The following MECOM variants were observed in gnomAD, a reference collection of about 807,000 sequenced individuals.
MECOM encodes histone-lysine N-methyltransferase MECOM.
In MECOM, 13 loss-of-function variants were observed where a neutral mutation model predicts 116.3. That is an observed-to-expected ratio of 0.11 (90% CI 0.07 to 0.18). The LOEUF is 0.18. MECOM is among the 10% of genes least tolerant of loss of function. The pLI, the probability that MECOM is intolerant of heterozygous loss-of-function variation, is 1.00. For synonymous variants in MECOM, 528 were observed against 535.2 expected, an observed-to-expected ratio of 0.99 and a Z score of 0.19; for missense variants, 1,299 against 1,509.0, an observed-to-expected ratio of 0.86 and a Z score of 2.31.
At chr3:169,316,377 T>G (rs1719749779) in intron 2 of MECOM, among the ~76,000 whole-genome samples, 1 of 152,218 alleles carries the variant, frequency 6.6e-6, no homozygotes, top group African/African-American at 2.4e-5. Context: ...ACAGTTTCAT[T>G]ATAAAACTAT....
intron 1 of MECOM, among the ~76,000 whole-genome samples, chr3:169,453,168 G>A (rs1386772859): frequency 6.6e-6 from 1 of 152,176 alleles, no homozygotes; most frequent in East Asian, 1.9e-4. Flanking sequence ...TTAATAATGA[G>A]TCTCATTTAA....
intron 1 of MECOM, among the ~76,000 whole-genome samples, chr3:169,500,362 T>A (rs1401953441): frequency 6.6e-6 from 1 of 151,964 alleles, no homozygotes; most frequent in African/African-American, 2.4e-5. Flanking sequence ...TTTTTAAAAG[T>A]TTCAATCATT....
chr3:169,307,372 A>G (rs2149723316), intron 2 of MECOM, among the ~76,000 whole-genome samples: 1 of 152,304 alleles, frequency 6.6e-6, no homozygotes, highest in African/African-American at 2.4e-5. Context: ...ACTTGAACCC[A>G]GGAATTTGAG....
intron 1 of MECOM, among the ~76,000 whole-genome samples, chr3:169,653,815 A>T (rs1291865183): frequency 6.6e-6 from 1 of 152,210 alleles, no homozygotes; most frequent in African/African-American, 2.4e-5. Context: ...AGGCACAAAA[A>T]GGTTACATGG....
At chr3:169,241,810 C>T (rs559193717) in intron 2 of MECOM, among the ~76,000 whole-genome samples, 55 of 152,250 alleles carry the variant, frequency 3.6e-4, no homozygotes, top group African/African-American at 1.3e-3. Flanking sequence ...GCTACTTCAG[C>T]GAATCAAGTC....
chr3:169,532,766 T>G (rs1036993203), intron 1 of MECOM, among the ~76,000 whole-genome samples: 5 of 144,052 alleles, frequency 3.5e-5, no homozygotes, highest in African/African-American at 7.4e-5. Flanking sequence ...CTACCCCACA[T>G]GCACACACAA....
chr3:169,273,608 G>GT (rs1759217886), intron 2 of MECOM, among the ~76,000 whole-genome samples: 1 of 152,142 alleles, frequency 6.6e-6, no homozygotes, highest in South Asian at 2.1e-4. Flanking sequence ...GAATGCTACG[G>GT]TTTCTCTATA....
chr3:169,621,968 C>T (rs1044929847), intron 1 of MECOM, among the ~76,000 whole-genome samples: 19 of 152,260 alleles, frequency 1.2e-4, no homozygotes, highest in African/African-American at 4.6e-4. Flanking sequence ...AATCAAGAGA[C>T]AAGACATGAG....
At position 169,115,520 on chromosome 3, in the gene MECOM, A is replaced by C; in HGVS notation, c.2352T>G (p.Ser784Arg). The C allele has an allele frequency of 6.2e-7, 1 of 1,613,902 alleles. No individual in the cohort carries two copies. The highest frequency in any genetic ancestry group is 8.5e-7 in the Non-Finnish European group (1 of 1,179,998). The change falls in exon 8 of 17, where the codon AGT (serine) becomes AGG (arginine). Residue 784 changes from serine (S) to arginine (R), a missense_variant. Coordinates refer to ENST00000651503, the MANE Select transcript of MECOM (RefSeq NM_004991.4). ...TTCGAGGCTCAGTCAGCTTTGTCCCACTGGCTCTACTCCTACTGCCCATAC... is the reference window on the plus strand; with the variant it reads ...TTCGAGGCTCAGTCAGCTTTGTCCCCCTGGCTCTACTCCTACTGCCCATAC... Reference protein sequence around the residue: ...DLSMGSRSRASGTKLTEPRKN... With the variant: ...DLSMGSRSRARGTKLTEPRKN...
chr3:169,101,303 A>G (rs1361924777), intron 11 of MECOM, among the ~76,000 whole-genome samples: 1 of 152,196 alleles, frequency 6.6e-6, no homozygotes, highest in Non-Finnish European at 1.5e-5. Flanking sequence ...AAATATGATA[A>G]GAGTTTCTGA....
chr3:169,251,290 A>G (rs1252156074), intron 2 of MECOM, among the ~76,000 whole-genome samples: 1 of 152,170 alleles, frequency 6.6e-6, no homozygotes, highest in Non-Finnish European at 1.5e-5. Context: ...CTTGGTTGGT[A>G]CAAGTTTGAG....
At chr3:169,160,289 T>G (rs529045034) in intron 2 of MECOM, among the ~76,000 whole-genome samples, 1 of 151,796 alleles carries the variant, frequency 6.6e-6, no homozygotes, top group African/African-American at 2.4e-5. Flanking sequence ...GAGAAAGGAT[T>G]TTTTTGGAGA....
intron 2 of MECOM, among the ~76,000 whole-genome samples, chr3:169,354,158 G>A (rs1341619469): frequency 1.3e-5 from 2 of 151,742 alleles, no homozygotes; most frequent in African/African-American, 4.8e-5. Flanking sequence ...TTAAAATATT[G>A]TTAGAAAACA....
intron 1 of MECOM, chr3:169,477,105 G>GTATATATATATATA (rs1166256593): frequency 3.4e-5 from 2 of 59,558 alleles, no homozygotes; most frequent in Admixed American, 1.9e-4. Context: ...GTGTGTGTGT[G>GTATATATATATATA]TATATATATA....
At chr3:169,355,873 A>T (rs996467471) in intron 2 of MECOM, among the ~76,000 whole-genome samples, 1 of 151,890 alleles carries the variant, frequency 6.6e-6, no homozygotes, top group Non-Finnish European at 1.5e-5. Flanking sequence ...TAAATGTCTA[A>T]ACCGTATATG....
chr3:169,411,094 T>C (rs950970831), intron 1 of MECOM, among the ~76,000 whole-genome samples: 11 of 152,212 alleles, frequency 7.2e-5, no homozygotes, highest in Non-Finnish European at 1.3e-4. Context: ...GTATCACCAT[T>C]CCATATGCTA....
At chr3:169,313,860 G>C (rs1719250724) in intron 2 of MECOM, among the ~76,000 whole-genome samples, 1 of 152,182 alleles carries the variant, frequency 6.6e-6, no homozygotes, top group African/African-American at 2.4e-5. Context: ...TAAGCAAAGA[G>C]TATTCACAAG....
intron 2 of MECOM, among the ~76,000 whole-genome samples, chr3:169,226,105 C>G (rs1421205206): frequency 1.3e-5 from 2 of 152,166 alleles, no homozygotes; most frequent in South Asian, 4.2e-4. Context: ...CTTGCCTAAC[C>G]TAGATGGTCA....
At position 169,573,859 on chromosome 3, in the gene MECOM, T is replaced by C. The variant is rs1242641726; in HGVS notation, c.37+89477A>G. Among the ~76,000 whole-genome samples the C allele has an allele frequency of 2.0e-5, 3 of 152,218 alleles. No individual in the cohort carries two copies. The East Asian group carries it at 5.8e-4, about 29-fold the overall frequency. On this transcript the variant is annotated intron_variant, in intron 1 of 16. Coordinates refer to ENST00000651503, the MANE Select transcript of MECOM (RefSeq NM_004991.4). ...CTATGAAGATATGTTAAAGACCACGTTGAGTTGGAAATGAAATAAAATGCT... is the reference window on the plus strand; with the variant it reads ...CTATGAAGATATGTTAAAGACCACGCTGAGTTGGAAATGAAATAAAATGCT...
Sources: allele counts gnomAD v4.1 joint callset (sites outside exome capture counted in the v4.1 genomes callset), GRCh38; gene constraint gnomAD v4.1.1; transcripts MANE v1.5; gene names NCBI Gene and HGNC (gene_info 2026-07-23, HGNC 2026-07-21).